The following BPIFB3 variants were observed in gnomAD, a reference collection of about 807,000 sequenced individuals.
The protein encoded by BPIFB3 is BPI fold-containing family B member 3.
Under a neutral mutation model 53.1 loss-of-function variants are expected in BPIFB3, and 49 were observed. The ratio of observed to expected loss-of-function variants is 0.92; its 90% CI spans 0.73 to 1.17. BPIFB3 has a LOEUF of 1.17. BPIFB3 is among the 50% of genes most tolerant of loss of function. The pLI is 0.00. For synonymous variants in BPIFB3, 271 were observed against 269.6 expected (o/e 1.01, Z -0.05); for missense variants, 628 against 592.5 (o/e 1.06, Z -0.62).
intron 2 of BPIFB3, among the ~76,000 whole-genome samples, chr20:33,058,380 C>T (rs2146380836): frequency 6.6e-6 from 1 of 152,220 alleles, no homozygotes; most frequent in South Asian, 2.1e-4. Context: ...GATGGGGAAA[C>T]CGAGGCACAG....
At chr20:33,068,874 A>C (rs1027668121) in exon 10 of BPIFB3, 12 of 1,613,804 alleles carry the variant, frequency 7.4e-6, no homozygotes, top group Non-Finnish European at 9.3e-6. Flanking sequence ...CCACGGTCAC[A>C]CTCCACAACA....
At chr20:33,055,345 G>A (rs1980143572), upstream of BPIFB3, 1 of 1,578,620 alleles carries the variant, frequency 6.3e-7, no homozygotes, top group Non-Finnish European at 8.6e-7. Context: ...GAAGGGGGAA[G>A]GCTGATAATG....
chr20:33,057,827 A>G (rs950954053), intron 2 of BPIFB3, among the ~76,000 whole-genome samples: 2 of 152,144 alleles, frequency 1.3e-5, no homozygotes, highest in Non-Finnish European at 2.9e-5. Context: ...TCATTCAAAA[A>G]AAAAAAGTAT....
At chr20:33,072,505 C>T (rs981433976) in intron 13 of BPIFB3, among the ~76,000 whole-genome samples, 2 of 152,056 alleles carry the variant, frequency 1.3e-5, no homozygotes, top group African/African-American at 2.4e-5. Flanking sequence ...AGGCTTGACA[C>T]GGGGGCACCA....
At chr20:33,054,273 C>G (rs1038314908), upstream of BPIFB3, among the ~76,000 whole-genome samples, 10 of 151,980 alleles carry the variant, frequency 6.6e-5, no homozygotes, top group East Asian at 1.9e-4. Flanking sequence ...GAATTTCTAT[C>G]CCCTGCCCCC....
chr20:33,072,226 C>A, intron 13 of BPIFB3, 59 bp downstream of exon 14: 1 of 1,543,902 alleles, frequency 6.5e-7, no homozygotes, highest in Non-Finnish European at 9.0e-7. Context: ...ATTGTCTAGT[C>A]TGTTGCCTCT....
At position 33,059,361 on chromosome 20, in the gene BPIFB3, C is replaced by A. The variant is rs147097332; in HGVS notation, c.282-17C>A. On this transcript the variant is annotated splice_polypyrimidine_tract_variant and intron_variant, in intron 2 of 14. Transcript: ENST00000375494. The stretch of plus-strand genomic sequence containing the variant: ...ATGTCTGGGAGTGAGCAACCCTCTC[C>A]CTGACTCCCATCCTAGTCTGAAGAT... The A allele has an allele frequency of 1.7e-4, 273 of 1,595,170 alleles. 1 individual carries two copies. In the East Asian group the frequency reaches 6.0e-3, roughly 35 times the overall value.
chr20:33,064,340 A>G lies in BPIFB3; in HGVS notation c.653-117A>G, dbSNP rs1980575788. Reference sequence around the variant, plus strand: ...AAAATGGGGATGACAGTAGCAGCCAAGTGAATGCTTAGTAGAGTGCTAGGC... The same window carrying G: ...AAAATGGGGATGACAGTAGCAGCCAGGTGAATGCTTAGTAGAGTGCTAGGC... On this transcript the variant is annotated intron_variant, in intron 6 of 14. Coordinates refer to ENST00000375494, the Ensembl canonical transcript of BPIFB3. 3 of 820,956 alleles carry G rather than the reference A, an allele frequency of 3.7e-6. No individual in the cohort carries two copies. In the African/African-American group the frequency reaches 5.1e-5, roughly 14 times the overall value. The allele number at this position is 820,956 out of a possible 1,614,324, so 50.9% of individuals were successfully genotyped here. A position where few individuals can be genotyped will look rare whatever the true frequency, so the allele number is the denominator to read the frequency against.
chr20:33,066,146 G>A (rs879720335), intron 8 of BPIFB3, among the ~76,000 whole-genome samples: 18 of 152,072 alleles, frequency 1.2e-4, no homozygotes, highest in African/African-American at 4.1e-4. Flanking sequence ...TTCGGTGGGC[G>A]GGGGGTGTCT....
exon 5 of BPIFB3, chr20:33,061,805 A>T (rs2146384159): frequency 6.2e-7 from 1 of 1,614,146 alleles, no homozygotes; most frequent in Non-Finnish European, 8.5e-7. Flanking sequence ...CGTGGAACAG[A>T]TGCTCTTCAA....
chr20:33,059,668 C>T (rs888409122), intron 3 of BPIFB3, among the ~76,000 whole-genome samples, 186 bp downstream of exon 4: 1 of 152,140 alleles, frequency 6.6e-6, no homozygotes, highest in Non-Finnish European at 1.5e-5. Context: ...CATTGCCCTT[C>T]CCCAGGGACT....
chr20:33,070,475 G>T (rs1980839965), intron 11 of BPIFB3, among the ~76,000 whole-genome samples: 1 of 152,188 alleles, frequency 6.6e-6, no homozygotes. Context: ...CCATCTACAT[G>T]CACAGTACTT....
Position 33,056,756 on chromosome 20 carries a change from A to G in BPIFB3, c.281+58A>G, listed in dbSNP as rs1980228064. The G allele has an allele frequency of 4.2e-5, 63 of 1,503,002 alleles. No homozygotes were observed. The South Asian group carries it at 7.8e-4, about 19-fold the overall frequency. The allele number at this position is 1,503,002 out of a possible 1,614,324, so 93.1% of individuals were successfully genotyped here. ...GACTTGGCTTTGCTTCCAGGAATTG[A>G]GGAGAGATTGTCTCTTTGTAATTTG... On this transcript the variant is annotated intron_variant, in intron 2 of 14. Coordinates refer to ENST00000375494, the Ensembl canonical transcript of BPIFB3.
exon 10 of BPIFB3, chr20:33,068,931 T>C (rs1207540501): frequency 1.2e-6 from 2 of 1,613,920 alleles, no homozygotes; most frequent in East Asian, 2.2e-5. Context: ...TGCTGTTCTA[T>C]GTCCCTAAGG....
At chr20:33,060,697 G>C (rs933715767) in intron 4 of BPIFB3, among the ~76,000 whole-genome samples, 5 of 152,136 alleles carry the variant, frequency 3.3e-5, no homozygotes, top group Non-Finnish European at 7.3e-5. Context: ...AGCCTCCCAA[G>C]TAGCTGGGAT....
chr20:33,057,531 GA>G (rs1241555530), intron 2 of BPIFB3, among the ~76,000 whole-genome samples: 1 of 152,196 alleles, frequency 6.6e-6, no homozygotes, highest in Non-Finnish European at 1.5e-5. Context: ...ACGATTGTCT[GA>G]ATGTTGGCCC....
rs1367124469 is a variant in BPIFB3 at position 33,068,793 on chromosome 20, A to C, written c.979-10A>C. 1.2e-6 allele frequency: 2 copies of C among 1,611,882 alleles called. No individual in the cohort carries two copies. Among genetic ancestry groups the C allele is most frequent in the Non-Finnish European group, 1.7e-6 (2 of 1,178,846 alleles). Reference sequence around the variant, plus strand: ...TGGGGCATCTAAGTTATGCCCCTGCATTTCTCCAGGCCCTGGGGAAGCTGC... The same window carrying C: ...TGGGGCATCTAAGTTATGCCCCTGCCTTTCTCCAGGCCCTGGGGAAGCTGC... On this transcript the variant is annotated splice_polypyrimidine_tract_variant and intron_variant, in intron 9 of 14. Coordinates refer to ENST00000375494, the Ensembl canonical transcript of BPIFB3.
At chr20:33,061,604 G>A (rs1980459933) in intron 4 of BPIFB3, among the ~76,000 whole-genome samples, 164 bp from the exon 6 acceptor site, 1 of 151,812 alleles carries the variant, frequency 6.6e-6, no homozygotes, top group Non-Finnish European at 1.5e-5. Flanking sequence ...GTCCCCTCGG[G>A]AGGAGGAGCC....
chr20:33,059,871 C>A lies in BPIFB3; in HGVS notation c.387-20C>A, dbSNP rs374057764. 8 of 1,612,248 alleles carry A rather than the reference C, an allele frequency of 5.0e-6. No individual in the cohort carries two copies. The highest frequency in any genetic ancestry group is 6.8e-6 in the Non-Finnish European group (8 of 1,179,224). The stretch of plus-strand genomic sequence containing the variant: ...TGGGAGCTGGCTGCCTGGCCACACC[C>A]CCAGTGTCCTTTCTTGCAGCCCCCT... On this transcript the variant is annotated intron_variant, in intron 3 of 14. Transcript: ENST00000375494.
Sources: allele counts gnomAD v4.1 joint callset (sites outside exome capture counted in the v4.1 genomes callset), GRCh38; gene constraint gnomAD v4.1.1; transcripts MANE v1.5; gene names NCBI Gene and HGNC (gene_info 2026-07-23, HGNC 2026-07-21).